The following WNT3 variants were observed in gnomAD, a reference collection of about 807,000 sequenced individuals.
The protein encoded by WNT3 is Wnt family member 3.
In WNT3, 7 loss-of-function variants were observed where a neutral mutation model predicts 34.2. The observed-to-expected ratio is 0.20, with a 90% CI of 0.12 to 0.38. WNT3 has a LOEUF of 0.38. Among genes scored for constraint, WNT3 ranks in the 10% least tolerant of loss-of-function variants. The pLI is 1.00. For missense variants in WNT3, 267 were observed against 499.8 expected (o/e 0.53, Z 4.44); for synonymous variants, 212 against 211.5 (o/e 1.00, Z -0.02).
intron 1 of WNT3, among the ~76,000 whole-genome samples, chr17:46,816,490 CA>C: frequency 7.9e-6 from 1 of 126,646 alleles, no homozygotes; most frequent in African/African-American, 2.8e-5. Context: ...CACACACACA[CA>C]CACACACACA....
At chr17:46,783,452 C>T (rs192245248) in intron 1 of WNT3, among the ~76,000 whole-genome samples, 134 of 152,266 alleles carry the variant, frequency 8.8e-4, no homozygotes, top group African/African-American at 3.0e-3. Flanking sequence ...GTTCTGGGAA[C>T]GTGGAGATTA....
intron 4 of WNT3, among the ~76,000 whole-genome samples, chr17:46,766,478 C>T (rs1837610913): frequency 6.6e-6 from 1 of 152,166 alleles, no homozygotes. Context: ...CTGGCGCTCC[C>T]AGGCCAGACA....
chr17:46,817,996 C>T lies in WNT3; in HGVS notation c.80+522G>A, dbSNP rs879451659. On this transcript the variant is annotated intron_variant, in intron 1 of 4. Transcript: ENST00000225512. ...AATCCCCCCACCCACTCCCCTGCCC[C>T]GGGAGGAGCCCTGAAGCCTTTGGGG... Among the ~76,000 whole-genome samples, 6 of 152,046 alleles carry T rather than the reference C, an allele frequency of 3.9e-5. 1 individual carries two copies. The highest frequency in any genetic ancestry group is 1.3e-4 in the Admixed American group (2 of 15,278).
chr17:46,792,333 A>G (rs571282495), intron 1 of WNT3, among the ~76,000 whole-genome samples: 3 of 152,192 alleles, frequency 2.0e-5, no homozygotes, highest in Non-Finnish European at 4.4e-5. Flanking sequence ...ACAGGTGATT[A>G]CCCATAATGA....
intron 1 of WNT3, among the ~76,000 whole-genome samples, chr17:46,813,202 G>T (rs1598801011): frequency 6.6e-6 from 1 of 151,896 alleles, no homozygotes; most frequent in Non-Finnish European, 1.5e-5. Context: ...ATGCTTCACA[G>T]CAACGAGCCC....
At chr17:46,801,854 C>T (rs1170831088) in intron 1 of WNT3, among the ~76,000 whole-genome samples, 1 of 152,140 alleles carries the variant, frequency 6.6e-6, no homozygotes, top group African/African-American at 2.4e-5. Context: ...AAGCCTTCTT[C>T]CCGATGCTGT....
intron 1 of WNT3, among the ~76,000 whole-genome samples, chr17:46,792,535 G>A (rs1823704394): frequency 6.6e-6 from 1 of 152,064 alleles, no homozygotes; most frequent in Non-Finnish European, 1.5e-5. Context: ...GTGCAATGGT[G>A]CCGTGTTGGT....
In WNT3 at chr17:46,768,767, C is replaced by T. The variant is rs1390573219; in HGVS notation, c.621G>A (p.Lys207=). The change falls in exon 4 of 5, where the codon AAG becomes AAA. Residue 207 remains lysine, a synonymous_variant. Coordinates refer to ENST00000225512, the MANE Select transcript of WNT3 (RefSeq NM_030753.5). This position sits in a 1 kb window ranked among gnomAD's most constrained non-coding sequence, Gnocchi z 5.0. ...CACAGCTGCCCGACAGCCCGTGGCA[C>T]TTGCATTTGAGGTGCATGTGGTCCA... The part of the protein sequence containing the change: ...TILDHMHLKC[K]CHGLSGSCEV... The T allele has an allele frequency of 1.2e-6, 2 of 1,614,032 alleles. No individual in the cohort carries two copies. The highest frequency in any genetic ancestry group is 2.2e-5 in the South Asian group (2 of 91,090).
chr17:46,806,432 C>T (rs1185536963), intron 1 of WNT3, among the ~76,000 whole-genome samples: 1 of 152,150 alleles, frequency 6.6e-6, no homozygotes, highest in Admixed American at 6.5e-5. Context: ...TGGCCTCAAA[C>T]TCCCAACCTC....
intron 1 of WNT3, among the ~76,000 whole-genome samples, chr17:46,802,556 C>T (rs2084139489): frequency 6.6e-6 from 1 of 152,216 alleles, no homozygotes; most frequent in African/African-American, 2.4e-5. Flanking sequence ...GTGTGAGCCA[C>T]CGTGCCCGGC....
intron 3 of WNT3, 67 bp downstream of exon 3, chr17:46,769,716 A>G: frequency 1.3e-6 from 2 of 1,589,744 alleles, no homozygotes; most frequent in South Asian, 1.1e-5. Flanking sequence ...GGTGGGGGCC[A>G]GGGCAGCTCC....
chr17:46,791,505 C>G (rs1778426964), intron 1 of WNT3, among the ~76,000 whole-genome samples: 1 of 152,162 alleles, frequency 6.6e-6, no homozygotes, highest in Non-Finnish European at 1.5e-5. Context: ...CCACGCCCGG[C>G]CTCCTCACTG....
intron 1 of WNT3, among the ~76,000 whole-genome samples, chr17:46,781,612 C>G (rs2059461777): frequency 6.6e-6 from 1 of 152,134 alleles, no homozygotes; most frequent in African/African-American, 2.4e-5. Flanking sequence ...TGGGAAGTTA[C>G]TGCTTAATAA....
At chr17:46,794,091 G>A (rs1016486848) in intron 1 of WNT3, among the ~76,000 whole-genome samples, 7 of 152,056 alleles carry the variant, frequency 4.6e-5, no homozygotes, top group African/African-American at 1.7e-4. Flanking sequence ...TTAGCAAGGG[G>A]ACAGCCAGCT....
chr17:46,814,754 A>G (rs1037045469), intron 1 of WNT3, among the ~76,000 whole-genome samples: 4 of 152,162 alleles, frequency 2.6e-5, no homozygotes, highest in Non-Finnish European at 5.9e-5. Context: ...GGCCCAGCCC[A>G]CTGACCCCCA....
At position 46,770,176 on chromosome 17, in the gene WNT3, G is replaced by A. The variant is rs917180296; in HGVS notation, c.323-128C>T. Reference sequence around the variant, plus strand: ...GAGTTGAAGAGCTCACCAGCCCTGAGGCAAGAGGGAGGCAGCTTCCCCACC... The same window carrying A: ...GAGTTGAAGAGCTCACCAGCCCTGAAGCAAGAGGGAGGCAGCTTCCCCACC... On this transcript the variant is annotated intron_variant, in intron 2 of 4. Coordinates refer to ENST00000225512, the MANE Select transcript of WNT3 (RefSeq NM_030753.5). The A allele has an allele frequency of 3.1e-6, 4 of 1,292,830 alleles. No homozygotes were observed. The African/African-American group carries it at 4.5e-5, about 15-fold the overall frequency. The allele number at this position is 1,292,830 out of a possible 1,614,324, so 80.1% of individuals were successfully genotyped here.
chr17:46,818,302 G>A lies in WNT3; in HGVS notation c.80+216C>T, dbSNP rs73987057. On this transcript the variant is annotated intron_variant, in intron 1 of 4. Coordinates refer to ENST00000225512, the MANE Select transcript of WNT3 (RefSeq NM_030753.5). ...GGAAAAGTCCTCCAGCCCCTGCAGC[G>A]GGGAGCAGGGAAAATGGTGATTATC... Among the ~76,000 whole-genome samples the A allele has an allele frequency of 5.0e-3, 754 of 151,192 alleles. 5 individuals carry two copies. The highest frequency in any genetic ancestry group is 0.016 in the African/African-American group (673 of 41,260).
Position 46,818,544 on chromosome 17 carries a change from C to T in WNT3, c.54G>A (p.Arg18=). Reference sequence around the variant, plus strand: ...ACCAAATTGGGTAGCCAGCGAGGACCCTGGTGCCACCGAGCAGGAGGCCGA... The same window carrying T: ...ACCAAATTGGGTAGCCAGCGAGGACTCTGGTGCCACCGAGCAGGAGGCCGA... ...LLLGLLLGGT[R]VLAGYPIWWS... Residue 18 remains arginine (R), a synonymous_variant, in exon 1 of 5, where the codon AGG becomes AGA. Transcript: ENST00000225512. 6.2e-7 allele frequency: 1 copy of T among 1,608,740 alleles called. No individual in the cohort carries two copies. The highest frequency in any genetic ancestry group is 2.2e-5 in the East Asian group (1 of 44,654).
At chr17:46,807,866 A>G (rs564370714) in intron 1 of WNT3, among the ~76,000 whole-genome samples, 1 of 152,364 alleles carries the variant, frequency 6.6e-6, no homozygotes, top group African/African-American at 2.4e-5. Context: ...CAGGACATAA[A>G]GGGAAGCATG....
Sources: allele counts gnomAD v4.1 joint callset (sites outside exome capture counted in the v4.1 genomes callset), GRCh38; gene constraint gnomAD v4.1.1; non-coding constraint Gnocchi (gnomAD v3.1); transcripts MANE v1.5; gene names NCBI Gene and HGNC (gene_info 2026-07-23, HGNC 2026-07-21).